Variants in ST6GAL1 observed in about 807,000 individuals in gnomAD.
The protein encoded by ST6GAL1 is beta-galactoside alpha-2,6-sialyltransferase 1.
A neutral mutation model predicts 38.0 loss-of-function variants in ST6GAL1; 20 were observed. The observed-to-expected ratio is 0.53, with a 90% CI of 0.37 to 0.77. ST6GAL1 has a LOEUF of 0.77. Among genes scored for constraint, ST6GAL1 ranks in the 30% least tolerant of loss-of-function variants. The pLI is 0.00. For synonymous variants in ST6GAL1, 196 were observed against 188.2 expected (o/e 1.04, Z -0.34); for missense variants, 432 against 496.4 (o/e 0.87, Z 1.23).
intron 2 of ST6GAL1, among the ~76,000 whole-genome samples, chr3:186,997,581 C>A (rs1199977496): frequency 6.6e-6 from 1 of 151,838 alleles, no homozygotes; most frequent in Non-Finnish European, 1.5e-5. Flanking sequence ...CATAGTAAGA[C>A]CCTGTCTTTA....
chr3:187,058,236 A>T (rs1718785816), intron 5 of ST6GAL1, among the ~76,000 whole-genome samples: 1 of 151,594 alleles, frequency 6.6e-6, no homozygotes, highest in Admixed American at 6.6e-5. Context: ...AAGTCCCCTG[A>T]CCCCTTGCGC....
chr3:186,995,686 A>G (rs966208019), intron 2 of ST6GAL1, among the ~76,000 whole-genome samples: 13 of 151,552 alleles, frequency 8.6e-5, no homozygotes, highest in Non-Finnish European at 4.4e-5. Flanking sequence ...TCTACTAAAC[A>G]TACAAAAATT....
At chr3:187,002,231 GGAT>G (rs1235975520) in intron 2 of ST6GAL1, among the ~76,000 whole-genome samples, 1 of 152,240 alleles carries the variant, frequency 6.6e-6, no homozygotes, top group Non-Finnish European at 1.5e-5. Context: ...CACAAAGAAG[GGAT>G]GATATTTCAT....
intron 2 of ST6GAL1, among the ~76,000 whole-genome samples, chr3:186,998,766 T>G (rs1338977089): frequency 6.6e-6 from 1 of 152,236 alleles, no homozygotes; most frequent in East Asian, 1.9e-4. Flanking sequence ...TAAGAAATCT[T>G]CAGTGTGTAT....
rs1023409805 is a variant in ST6GAL1 at position 187,077,453 on chromosome 3, C to T, written c.*1650C>T. The T allele has an allele frequency of 2.6e-5, 4 of 153,296 alleles. No individual in the cohort carries two copies. Among genetic ancestry groups the T allele is most frequent in the African/African-American group, 9.6e-5 (4 of 41,500 alleles). The allele number at this position is 153,296 out of a possible 1,614,324, so 9.5% of individuals were successfully genotyped here. ...ATCTAATGTTTGGGCTCCAAACTAACCATCTCGGAGCTGGGCTCCTCATTT... is the reference window on the plus strand; with the variant it reads ...ATCTAATGTTTGGGCTCCAAACTAATCATCTCGGAGCTGGGCTCCTCATTT... On this transcript the variant is annotated 3_prime_UTR_variant, in exon 8 of 8. Transcript: ENST00000169298.
chr3:187,041,769 C>T (rs1718131009), intron 3 of ST6GAL1: 1 of 152,182 alleles, frequency 6.6e-6, no homozygotes, highest in South Asian at 2.1e-4. Context: ...TTGAAGTGAA[C>T]CCTGTACAGG....
At chr3:187,022,446 T>C (rs180992818) in intron 2 of ST6GAL1, among the ~76,000 whole-genome samples, 1 of 151,922 alleles carries the variant, frequency 6.6e-6, no homozygotes, top group Non-Finnish European at 1.5e-5. Flanking sequence ...GCTGAGAGAG[T>C]CAAGTTATTG....
chr3:186,984,829 C>CCCTTCCTTCCTTCCTTCCTTCCT (rs1715846753), intron 2 of ST6GAL1, among the ~76,000 whole-genome samples: 8 of 45,612 alleles, frequency 1.8e-4, no homozygotes, highest in African/African-American at 5.8e-4. Flanking sequence ...CCTTCCTTCC[C>CCCTTCCTTCCTTCCTTCCTTCCT]TCCCTCCCTC....
intron 2 of ST6GAL1, among the ~76,000 whole-genome samples, chr3:186,983,690 GC>G (rs1715768294): frequency 6.6e-6 from 1 of 152,168 alleles, no homozygotes; most frequent in African/African-American, 2.4e-5. Context: ...AACACGAATT[GC>G]CTCATTTTTT....
intron 5 of ST6GAL1, among the ~76,000 whole-genome samples, chr3:187,053,921 C>G (rs1718599777): frequency 6.6e-6 from 1 of 152,180 alleles, no homozygotes; most frequent in Admixed American, 6.5e-5. Flanking sequence ...TTGATTCTTC[C>G]TAACCATGAG....
At chr3:186,934,432 T>C (rs11716393) in intron 1 of ST6GAL1, among the ~76,000 whole-genome samples, 36,200 of 146,616 alleles carry the variant, frequency 0.25, 4,767 homozygotes, top group Non-Finnish European at 0.33. Flanking sequence ...CATGGTGGCG[T>C]ACTCCTGTGG....
At chr3:186,999,224 T>C (rs971660452) in intron 2 of ST6GAL1, among the ~76,000 whole-genome samples, 1 of 152,174 alleles carries the variant, frequency 6.6e-6, no homozygotes, top group Admixed American at 6.5e-5. Context: ...CGTGGGACCA[T>C]TAACACCACT....
chr3:187,071,561 A>T (rs1274287710), intron 5 of ST6GAL1, among the ~76,000 whole-genome samples: 1 of 151,844 alleles, frequency 6.6e-6, no homozygotes, highest in Non-Finnish European at 1.5e-5. Flanking sequence ...CATCCTGGCT[A>T]ACAAGGTGAA....
intron 1 of ST6GAL1, among the ~76,000 whole-genome samples, chr3:186,938,172 G>A (rs1336425875): frequency 1.3e-5 from 2 of 152,150 alleles, no homozygotes; most frequent in Non-Finnish European, 2.9e-5. Context: ...AAATTACTGG[G>A]TTATACTTTA....
At chr3:186,987,285 T>G (rs979326356) in intron 2 of ST6GAL1, among the ~76,000 whole-genome samples, 1 of 151,994 alleles carries the variant, frequency 6.6e-6, no homozygotes, top group African/African-American at 2.4e-5. Context: ...GCCCCTAAGG[T>G]TAGTAAGTAT....
chr3:187,016,094 T>C (rs1312571029), intron 2 of ST6GAL1, among the ~76,000 whole-genome samples: 1 of 152,154 alleles, frequency 6.6e-6, no homozygotes, highest in Non-Finnish European at 1.5e-5. Context: ...CACAGTCACT[T>C]TTCATCCTTC....
At chr3:186,945,813 T>C (rs538566391) in intron 1 of ST6GAL1, among the ~76,000 whole-genome samples, 15 of 144,058 alleles carry the variant, frequency 1.0e-4, no homozygotes, top group Non-Finnish European at 2.1e-4. Context: ...AGTGAAACCC[T>C]GTCTCTACCA....
At chr3:186,981,850 C>G (rs559968014) in intron 2 of ST6GAL1, among the ~76,000 whole-genome samples, 15 of 152,312 alleles carry the variant, frequency 9.8e-5, no homozygotes, top group African/African-American at 3.4e-4. Flanking sequence ...AGGAAACCCT[C>G]TGAATGACCA....
At chr3:186,997,947 AT>A (rs1389019652) in intron 2 of ST6GAL1, among the ~76,000 whole-genome samples, 1 of 152,136 alleles carries the variant, frequency 6.6e-6, no homozygotes, top group Non-Finnish European at 1.5e-5. Context: ...TAATAGACAC[AT>A]TAAAAAAGCA....
Sources: allele counts gnomAD v4.1 joint callset (sites outside exome capture counted in the v4.1 genomes callset), GRCh38; gene constraint gnomAD v4.1.1; transcripts MANE v1.5; gene names NCBI Gene and HGNC (gene_info 2026-07-23, HGNC 2026-07-21).